Variants in GDF10 observed in about 807,000 individuals in gnomAD.
GDF10 encodes the protein growth/differentiation factor 10.
Under a neutral mutation model 32.1 loss-of-function variants are expected in GDF10, and 23 were observed. The observed-to-expected ratio is 0.72, with a 90% confidence interval of 0.52 to 1.02. The LOEUF (loss-of-function observed/expected upper bound fraction) is 1.02, where lower values mean the gene tolerates loss of function less well. GDF10 is among the 50% of genes least tolerant of loss of function. The pLI, the probability that GDF10 is intolerant of heterozygous loss-of-function variation, is 0.00. For missense variants in GDF10, 764 were observed against 673.9 expected (o/e 1.13, Z -1.48); for synonymous variants, 328 against 303.1 (o/e 1.08, Z -0.85).
intron 1 of GDF10, among the ~76,000 whole-genome samples, chr10:47,306,119 A>G (rs2061022286): frequency 6.6e-6 from 1 of 152,200 alleles, no homozygotes; most frequent in African/African-American, 2.4e-5. Flanking sequence ...CCACAGAATG[A>G]ATGACCGCTC....
chr10:47,302,250 G>T (rs1206761619), intron 1 of GDF10, among the ~76,000 whole-genome samples: 2 of 152,244 alleles, frequency 1.3e-5, no homozygotes, highest in Non-Finnish European at 2.9e-5. Context: ...GGCAAGGCTT[G>T]CCAATATCTC....
At chr10:47,308,554 T>TA (rs1555207304) in intron 1 of GDF10, among the ~76,000 whole-genome samples, 2,802 of 148,268 alleles carry the variant, frequency 0.019, 90 homozygotes, top group African/African-American at 0.063. Flanking sequence ...ATATTTCTGT[T>TA]AAAAAAAAAA....
chr10:47,301,008 C>G (rs1555206817), intron 1 of GDF10, 38 bp downstream of exon 1: 1 of 1,305,940 alleles, frequency 7.7e-7, no homozygotes, highest in Non-Finnish European at 1.0e-6. Flanking sequence ...TCTCCTCATT[C>G]TCCACCTTCC....
At position 47,308,158 on chromosome 10, in the gene GDF10, G is replaced by T. The variant is rs112875993; in HGVS notation, c.320-1638G>T. ...CTGCAGATACACCACCGCTACCACC[G>T]GAGTGAGCTATCAGCTGCCACTGAC... is the stretch of plus-strand genomic sequence containing the variant. On this transcript the variant is annotated intron_variant, in intron 1 of 2. Coordinates refer to ENST00000580279, the MANE Select transcript of GDF10 (RefSeq NM_004962.5). Among the ~76,000 whole-genome samples, 1,486 of 152,308 alleles carry T rather than the reference G, an allele frequency of 9.8e-3. 12 individuals carry two copies. The highest frequency in any genetic ancestry group is 0.041 in the Middle Eastern group (12 of 294).
chr10:47,309,780 T>A lies in GDF10; in HGVS notation c.320-16T>A. 1 of 1,572,122 alleles carries A rather than the reference T, an allele frequency of 6.4e-7. No homozygotes were observed. Among genetic ancestry groups the A allele is most frequent in the Non-Finnish European group, 8.7e-7 (1 of 1,146,682 alleles). The stretch of plus-strand genomic sequence containing the variant: ...AGCGAGAACTTCACAGCCTGTGGTC[T>A]CTCCTTCCCTCACAGAAGTGGTCGA... On this transcript the variant is annotated splice_polypyrimidine_tract_variant and intron_variant, in intron 1 of 2. Coordinates refer to ENST00000580279, the MANE Select transcript of GDF10 (RefSeq NM_004962.5).
intron 1 of GDF10, among the ~76,000 whole-genome samples, chr10:47,302,096 C>T (rs1329553117): frequency 6.6e-6 from 1 of 152,254 alleles, no homozygotes; most frequent in Non-Finnish European, 1.5e-5. Flanking sequence ...ACTCCATCCT[C>T]ACTCATAACT....
chr10:47,310,299 G>A lies in GDF10; in HGVS notation c.823G>A (p.Glu275Lys), dbSNP rs782805283. 48 of 1,608,016 alleles carry A rather than the reference G, an allele frequency of 3.0e-5. 1 individual carries two copies. Among genetic ancestry groups the A allele is most frequent in the Non-Finnish European group, 3.7e-5 (44 of 1,177,654 alleles). Residue 275 changes from glutamate (E) to lysine (K), a missense_variant, in exon 2 of 3, where the codon GAG becomes AAG. Physicochemically the swap from Glu to Lys is moderately conservative, Grantham distance 56. Transcript: ENST00000580279. ...CGACCCCTTCCCTGCCGGAGACCCC[G>A]AGCCCCGCGCAGCCCCCAACAACTC... ...RYDPFPAGDP[E>K]PRAAPNNSAD...
chr10:47,307,922 A>C (rs2061028872), intron 1 of GDF10, among the ~76,000 whole-genome samples: 1 of 152,208 alleles, frequency 6.6e-6, no homozygotes, highest in African/African-American at 2.4e-5. Flanking sequence ...TGTACCTGGC[A>C]CTTCACTAGG....
intron 1 of GDF10, among the ~76,000 whole-genome samples, chr10:47,307,373 G>A (rs1388900870): frequency 2.0e-5 from 3 of 152,202 alleles, no homozygotes; most frequent in South Asian, 4.1e-4. Flanking sequence ...GCACCAGCAC[G>A]CATCAGAGGA....
At position 47,312,021 on chromosome 10, in the gene GDF10, T is replaced by G. The variant is rs572365521; in HGVS notation, c.1246-580T>G. Among the ~76,000 whole-genome samples, 3 of 152,238 alleles carry G rather than the reference T, an allele frequency of 2.0e-5. No homozygotes were observed. The South Asian group carries it at 6.2e-4, about 32-fold the overall frequency. On this transcript the variant is annotated intron_variant, in intron 2 of 2. Coordinates refer to ENST00000580279, the MANE Select transcript of GDF10 (RefSeq NM_004962.5). ...TCAGTCATTTTAAACCTCGGTGTCTTCCCAGTAAAGTCCAGGTAATACCCA... is the reference window on the plus strand; with the variant it reads ...TCAGTCATTTTAAACCTCGGTGTCTGCCCAGTAAAGTCCAGGTAATACCCA...
chr10:47,311,363 C>T (rs2061045525), intron 2 of GDF10, among the ~76,000 whole-genome samples: 2 of 152,252 alleles, frequency 1.3e-5, no homozygotes, highest in Admixed American at 1.3e-4. Context: ...CCATCCCTCT[C>T]CCTGCAGCCT....
Position 47,311,391 on chromosome 10 carries a change from C to T in GDF10, c.1245+670C>T, listed in dbSNP as rs150617800. 6.4e-3 allele frequency among the ~76,000 whole-genome samples: 968 copies of T among 152,358 alleles called. 3 individuals are homozygous for T. The highest frequency in any genetic ancestry group is 9.5e-3 in the Admixed American group (145 of 15,306). ...TGCAGCCTGCTCTGCAGCAGCCTGG[C>T]TGCTTGTGATGTCAGCCCTCGGCAC... On this transcript the variant is annotated intron_variant, in intron 2 of 2. Coordinates refer to ENST00000580279, the MANE Select transcript of GDF10 (RefSeq NM_004962.5).
At position 47,312,742 on chromosome 10, in the gene GDF10, G is replaced by A. The variant is rs1555207902; in HGVS notation, c.1387G>A (p.Val463Ile). Residue 463 changes from valine (V) to isoleucine (I), a missense_variant, in exon 3 of 3, where the codon GTT (valine) becomes ATT (isoleucine). Coordinates refer to ENST00000580279, the MANE Select transcript of GDF10 (RefSeq NM_004962.5). ...CTTCCTGGATGAGAATCGGAATGTG[G>A]TTCTGAAGGTGTACCCCAACATGTC... ...VLFLDENRNV[V>I]LKVYPNMSVD... The A allele has an allele frequency of 8.1e-6, 13 of 1,605,950 alleles. No individual in the cohort carries two copies. The highest frequency in any genetic ancestry group is 9.4e-6 in the Non-Finnish European group (11 of 1,175,872).
chr10:47,308,211 C>G (rs1315247077), intron 1 of GDF10, among the ~76,000 whole-genome samples: 1 of 152,172 alleles, frequency 6.6e-6, no homozygotes, highest in East Asian at 1.9e-4. Context: ...TGGCCAGAGT[C>G]CCCTGGAGTG....
At chr10:47,312,284 G>T (rs144753250) in intron 2 of GDF10, among the ~76,000 whole-genome samples, 2 of 152,176 alleles carry the variant, frequency 1.3e-5, no homozygotes, top group Non-Finnish European at 2.9e-5. Flanking sequence ...CTGGTGCTCC[G>T]CGGGGATGTG....
chr10:47,311,600 C>T (rs1474700589), intron 2 of GDF10, among the ~76,000 whole-genome samples: 13 of 152,264 alleles, frequency 8.5e-5, no homozygotes, highest in African/African-American at 2.9e-4. Context: ...CTCCTCAAAA[C>T]TTCTCCTCAA....
chr10:47,311,792 C>T (rs1041569494), intron 2 of GDF10, among the ~76,000 whole-genome samples: 6 of 152,210 alleles, frequency 3.9e-5, no homozygotes, highest in Non-Finnish European at 8.8e-5. Context: ...CCAGCCAGAA[C>T]GCTGCAAAGG....
intron 2 of GDF10, among the ~76,000 whole-genome samples, chr10:47,311,161 A>T (rs1555207738): frequency 6.6e-6 from 1 of 152,140 alleles, no homozygotes; most frequent in Non-Finnish European, 1.5e-5. Flanking sequence ...TGTGACTAGC[A>T]CAGTGCTAGC....
At chr10:47,312,492 G>A (rs115050939) in intron 2 of GDF10, 109 bp from the exon 3 acceptor site, 160 of 562,142 alleles carry the variant, frequency 2.8e-4, no homozygotes, top group African/African-American at 2.8e-3. Context: ...TGTGGCCTCA[G>A]CCGGGGAACA....
Sources: allele counts gnomAD v4.1 joint callset (sites outside exome capture counted in the v4.1 genomes callset), GRCh38; gene constraint gnomAD v4.1.1; transcripts MANE v1.5; gene names NCBI Gene and HGNC (gene_info 2026-07-23, HGNC 2026-07-21).